The following CHN1 variants were observed in gnomAD, a reference collection of about 807,000 sequenced individuals.
The protein encoded by CHN1 is chimerin 1.
In CHN1, 37 loss-of-function variants were observed where a neutral mutation model predicts 59.5. The ratio of observed to expected loss-of-function variants is 0.62; its 90% CI spans 0.48 to 0.82. CHN1 has a LOEUF of 0.82. Ranked by LOEUF, CHN1 falls within the 40% of genes least tolerant of loss-of-function variation. The pLI, the probability that CHN1 is intolerant of heterozygous loss-of-function variation, is 0.00. For synonymous variants in CHN1, 206 were observed against 200.4 expected, an observed-to-expected ratio of 1.03 and a Z score of -0.24; for missense variants, 469 against 571.0, an observed-to-expected ratio of 0.82 and a Z score of 1.82.
intron 7 of CHN1, among the ~76,000 whole-genome samples, chr2:174,834,518 A>G (rs368742460): frequency 4.6e-5 from 7 of 152,366 alleles, no homozygotes; most frequent in African/African-American, 1.4e-4. Context: ...TCTGAAAGAT[A>G]TATTTGCTAA....
intron 8 of CHN1, chr2:174,821,724 C>T: frequency 2.2e-6 from 1 of 463,714 alleles, no homozygotes; most frequent in Non-Finnish European, 4.5e-6. Flanking sequence ...GAGTTGGACC[C>T]TTACCAGACA....
chr2:174,942,587 T>C (rs191708379), intron 3 of CHN1, among the ~76,000 whole-genome samples: 58 of 152,234 alleles, frequency 3.8e-4, no homozygotes, highest in African/African-American at 1.4e-3. Flanking sequence ...ATAATTTATA[T>C]TTTCAATTAG....
At chr2:174,994,669 T>C (rs1404324134) in intron 1 of CHN1, among the ~76,000 whole-genome samples, 4 of 152,202 alleles carry the variant, frequency 2.6e-5, no homozygotes, top group African/African-American at 7.2e-5. Context: ...GAGACGATTA[T>C]TCAAGCTGAG....
chr2:174,964,791 G>T (rs1690543094), intron 1 of CHN1, among the ~76,000 whole-genome samples: 1 of 152,112 alleles, frequency 6.6e-6, no homozygotes, highest in Admixed American at 6.6e-5. Context: ...TGCTAGAATT[G>T]CAAGTCAAGA....
intron 6 of CHN1, among the ~76,000 whole-genome samples, chr2:174,854,822 T>G (rs1241383398): frequency 6.6e-6 from 1 of 152,192 alleles, no homozygotes; most frequent in Non-Finnish European, 1.5e-5. Context: ...GCATAATTTG[T>G]GACTATGATA....
chr2:174,988,069 AGT>A (rs1478213892), intron 1 of CHN1, among the ~76,000 whole-genome samples: 1 of 152,170 alleles, frequency 6.6e-6, no homozygotes, highest in Admixed American at 6.5e-5. Flanking sequence ...GGCCATAAAA[AGT>A]GACAACAGCC....
chr2:174,986,645 T>C (rs1054552402), intron 1 of CHN1, among the ~76,000 whole-genome samples: 1 of 152,220 alleles, frequency 6.6e-6, no homozygotes, highest in East Asian at 1.9e-4. Flanking sequence ...ACCCCTCCTC[T>C]TCTTCAGTCT....
intron 5 of CHN1, among the ~76,000 whole-genome samples, chr2:174,881,455 T>C (rs1687734133): frequency 6.6e-6 from 1 of 152,138 alleles, no homozygotes; most frequent in African/African-American, 2.4e-5. Flanking sequence ...AGATTCTGCA[T>C]CTAAAAAATA....
intron 3 of CHN1, among the ~76,000 whole-genome samples, chr2:174,940,576 G>A (rs192023782): frequency 6.6e-6 from 1 of 151,866 alleles, no homozygotes; most frequent in East Asian, 1.9e-4. Flanking sequence ...ACCCAGGGCA[G>A]ATGTCTTATG....
intron 6 of CHN1, chr2:174,847,288 A>G (rs1686553317): frequency 2.2e-6 from 3 of 1,356,024 alleles, no homozygotes; most frequent in Non-Finnish European, 2.8e-6. Context: ...AGGATGAAGC[A>G]CTTCTTAAAC....
At chr2:174,806,054 T>A (rs1010637252) in intron 11 of CHN1, among the ~76,000 whole-genome samples, 8 of 152,074 alleles carry the variant, frequency 5.3e-5, no homozygotes, top group Admixed American at 1.3e-4. Flanking sequence ...GAAGCATCCA[T>A]AATGTTGGGT....
chr2:174,901,312 T>C (rs1410368978), intron 5 of CHN1, among the ~76,000 whole-genome samples: 2 of 152,218 alleles, frequency 1.3e-5, no homozygotes, highest in African/African-American at 4.8e-5. Flanking sequence ...GACATGCTGG[T>C]CGGGCTTCTA....
At chr2:174,993,613 C>T (rs1314006357) in intron 1 of CHN1, among the ~76,000 whole-genome samples, 3 of 142,722 alleles carry the variant, frequency 2.1e-5, no homozygotes, top group African/African-American at 5.2e-5. Flanking sequence ...GAGAGGGTAC[C>T]AAAACTAAAA....
At chr2:174,990,274 A>T (rs1245490047) in intron 1 of CHN1, among the ~76,000 whole-genome samples, 1,634 of 121,592 alleles carry the variant, frequency 0.013, 13 homozygotes, top group Non-Finnish European at 0.017. Context: ...AGAGAGAGAG[A>T]GAGAGAGAGA....
intron 3 of CHN1, among the ~76,000 whole-genome samples, chr2:174,924,564 A>T (rs1312288902): frequency 6.6e-6 from 1 of 152,194 alleles, no homozygotes; most frequent in Non-Finnish European, 1.5e-5. Flanking sequence ...TGAATCTAAT[A>T]GGGTAGAGAA....
chr2:174,799,963 G>A lies in CHN1; in HGVS notation c.*153C>T, dbSNP rs988910700. Reference sequence around the variant, plus strand: ...TCACTGTTTTACAAGACAGCTGAGCGGTGCTACAAAAACAACAGAAAGTTC... The same window carrying A: ...TCACTGTTTTACAAGACAGCTGAGCAGTGCTACAAAAACAACAGAAAGTTC... On this transcript the variant is annotated 3_prime_UTR_variant, in exon 13 of 13. Transcript: ENST00000409900. 12 of 733,346 alleles carry A rather than the reference G, an allele frequency of 1.6e-5. No homozygotes were observed. Among genetic ancestry groups the A allele is most frequent in the South Asian group, 5.9e-5 (4 of 67,412 alleles). 45.4% of individuals were successfully genotyped at this position (733,346 alleles called of 1,614,324 possible). A position where few individuals can be genotyped will look rare whatever the true frequency, so the allele number is the denominator to read the frequency against.
At chr2:174,822,812 A>C (rs752716996) in intron 8 of CHN1, among the ~76,000 whole-genome samples, 1 of 152,226 alleles carries the variant, frequency 6.6e-6, no homozygotes, top group Non-Finnish European at 1.5e-5. Flanking sequence ...GATAACCACC[A>C]GCCACAGCAA....
intron 2 of CHN1, among the ~76,000 whole-genome samples, chr2:174,945,670 A>AT (rs199571795): frequency 2.0e-5 from 3 of 151,486 alleles, no homozygotes; most frequent in Admixed American, 6.6e-5. Context: ...TCTCTTAGAG[A>AT]TTTTTTTTTC....
chr2:174,959,193 T>A (rs1436630332), intron 1 of CHN1, among the ~76,000 whole-genome samples: 1 of 152,238 alleles, frequency 6.6e-6, no homozygotes, highest in Non-Finnish European at 1.5e-5. Context: ...GGAGAGCAAT[T>A]AGCTATATAT....
Sources: allele counts gnomAD v4.1 joint callset (sites outside exome capture counted in the v4.1 genomes callset), GRCh38; gene constraint gnomAD v4.1.1; transcripts MANE v1.5; gene names NCBI Gene and HGNC (gene_info 2026-07-23, HGNC 2026-07-21).